Variants in CTBP2 observed in about 807,000 individuals in gnomAD.
The protein encoded by CTBP2 is C-terminal-binding protein 2.
Under a neutral mutation model 80.3 loss-of-function variants are expected in CTBP2, and 30 were observed. The ratio of observed to expected loss-of-function variants is 0.37; its 90% CI spans 0.28 to 0.51. CTBP2 has a LOEUF of 0.51. Ranked by LOEUF, CTBP2 falls within the 20% of genes least tolerant of loss-of-function variation. The probability of loss-of-function intolerance (pLI) is 0.93; values close to 1 mark genes in which losing one functional copy is unlikely to be tolerated. For missense variants in CTBP2, 1,212 were observed against 1,375.3 expected, an observed-to-expected ratio of 0.88 and a Z score of 1.88; for synonymous variants, 594 against 587.4, an observed-to-expected ratio of 1.01 and a Z score of -0.16.
At chr10:125,114,054 C>T (rs974369876) in intron 1 of CTBP2, among the ~76,000 whole-genome samples, 5 of 152,166 alleles carry the variant, frequency 3.3e-5, no homozygotes, top group Admixed American at 6.5e-5. Flanking sequence ...GACAGTGCGG[C>T]GTGGACTAGT....
At chr10:125,095,640 T>C (rs1564906342) in intron 2 of CTBP2, among the ~76,000 whole-genome samples, 1 of 152,122 alleles carries the variant, frequency 6.6e-6, no homozygotes, top group Admixed American at 6.5e-5. Flanking sequence ...TTCCCACCAA[T>C]ACACCCCACG....
At chr10:125,121,562 G>T (rs1405629989) in intron 1 of CTBP2, among the ~76,000 whole-genome samples, 7 of 152,080 alleles carry the variant, frequency 4.6e-5, no homozygotes, top group Non-Finnish European at 4.4e-5. Context: ...CCATTTCAAG[G>T]CTATGTATAT....
chr10:125,125,539 T>C (rs1564980222), intron 1 of CTBP2, among the ~76,000 whole-genome samples: 2 of 152,186 alleles, frequency 1.3e-5, no homozygotes, highest in African/African-American at 2.4e-5. Flanking sequence ...CTTAAGTCAA[T>C]TGAAGCTTGC....
chr10:125,013,581 T>TGG (rs1333808274), intron 1 of CTBP2, among the ~76,000 whole-genome samples: 1 of 152,170 alleles, frequency 6.6e-6, no homozygotes, highest in Non-Finnish European at 1.5e-5. Context: ...ATCATGACCA[T>TGG]GGAATACAGC....
intron 5 of CTBP2, 138 bp from the exon 8 acceptor site, chr10:124,994,123 G>A (rs1953117382): frequency 8.3e-7 from 1 of 1,208,366 alleles, no homozygotes; most frequent in Non-Finnish European, 1.2e-6. Context: ...TGAGGGAAGG[G>A]AGTGGGAAGT....
chr10:124,997,841 G>A, intron 4 of CTBP2, 123 bp downstream of exon 6: 1 of 983,924 alleles, frequency 1.0e-6, no homozygotes, highest in South Asian at 1.6e-5. Context: ...ACACGGGGAG[G>A]GTGCTGGCCC....
At position 124,985,534 on chromosome 10, in the gene CTBP2, C is replaced by T. The variant is rs945435390; in HGVS notation, c.*3984G>A. ...CTTTTATTTTATTAATAATTTCGTT[C>T]CTCTTGTGCCCAATCAAATCTTTTA... On this transcript the variant is annotated 3_prime_UTR_variant, in exon 9 of 9. Transcript: ENST00000309035. The T allele has an allele frequency of 6.6e-6, 1 of 152,646 alleles. No individual in the cohort carries two copies. Among genetic ancestry groups the T allele is most frequent in the African/African-American group, 2.4e-5 (1 of 41,444 alleles). 9.5% of individuals were successfully genotyped at this position (152,646 alleles called of 1,614,324 possible).
At chr10:125,041,543 C>T (rs1959811902) in intron 2 of CTBP2, among the ~76,000 whole-genome samples, 1 of 130,382 alleles carries the variant, frequency 7.7e-6, no homozygotes, top group African/African-American at 3.0e-5. Context: ...CTAGGTGAGG[C>T]TGACCAGGGA....
intron 2 of CTBP2, among the ~76,000 whole-genome samples, chr10:125,059,089 C>T (rs6597879): frequency 0.15 from 23,494 of 151,930 alleles, 2,381 homozygotes; most frequent in African/African-American, 0.27. Context: ...CTTCTGGAGA[C>T]GGCACTGTCA....
rs567521358 is a variant in CTBP2, at chr10:125,038,988, C to T, written c.58+9G>A. On this transcript the variant is annotated intron_variant, in intron 3 of 10. Coordinates refer to the CTBP2 transcript ENST00000337195. ...TATGTTTGGTAAAAACCGCCAAACA[C>T]GCTCTTACCTTCACAAATTCTGTCC... The T allele has an allele frequency of 7.4e-6, 12 of 1,613,074 alleles. No individual in the cohort carries two copies. The highest frequency in any genetic ancestry group is 1.7e-4 in the Middle Eastern group (1 of 5,994).
chr10:125,038,004 A>G (rs1959058703), intron 3 of CTBP2, among the ~76,000 whole-genome samples: 1 of 152,000 alleles, frequency 6.6e-6, no homozygotes, highest in African/African-American at 2.4e-5. Context: ...TGTTTACTTT[A>G]AAAAAACCCT....
intron 1 of CTBP2, among the ~76,000 whole-genome samples, chr10:125,012,468 A>T (rs1250401602): frequency 6.6e-6 from 1 of 152,108 alleles, no homozygotes; most frequent in East Asian, 1.9e-4. Context: ...GTTCTGGTGG[A>T]ATCTTCCAGG....
intron 2 of CTBP2, among the ~76,000 whole-genome samples, chr10:125,069,345 C>A (rs567521870): frequency 2.6e-5 from 4 of 152,318 alleles, no homozygotes; most frequent in South Asian, 4.1e-4. Flanking sequence ...TGGCCAAGTG[C>A]GGTGGCTCAC....
At chr10:125,033,217 T>C (rs1398371517) in intron 3 of CTBP2, among the ~76,000 whole-genome samples, 1 of 152,170 alleles carries the variant, frequency 6.6e-6, no homozygotes, top group Non-Finnish European at 1.5e-5. Context: ...GATCCCACTG[T>C]GCCCCAGCGC....
intron 1 of CTBP2, among the ~76,000 whole-genome samples, chr10:125,149,812 C>T (rs191470627): frequency 1.2e-4 from 18 of 152,350 alleles, no homozygotes; most frequent in African/African-American, 4.3e-4. Context: ...GGTACTCTTC[C>T]GGTGGAGCGG....
At chr10:125,058,402 T>C (rs531515963) in intron 2 of CTBP2, among the ~76,000 whole-genome samples, 1 of 152,246 alleles carries the variant, frequency 6.6e-6, no homozygotes. Flanking sequence ...CCTCTCCCCC[T>C]GAGTTTTGCC....
intron 2 of CTBP2, among the ~76,000 whole-genome samples, chr10:125,054,645 G>A (rs533259778): frequency 3.3e-5 from 5 of 152,352 alleles, no homozygotes; most frequent in African/African-American, 1.2e-4. Flanking sequence ...CACAGCAATA[G>A]ATAACTAATA....
At chr10:124,989,830 T>C (rs1952349325) in intron 8 of CTBP2, 132 bp from the exon 11 acceptor site, 2 of 842,396 alleles carry the variant, frequency 2.4e-6, no homozygotes, top group East Asian at 5.9e-5. Flanking sequence ...TGACCGACCT[T>C]CTGGGCTCAA....
rs55693528 is a variant in CTBP2 at position 125,094,945 on chromosome 10, C to T, written c.-102+16045G>A. Among the ~76,000 whole-genome samples the T allele has an allele frequency of 3.9e-3, 587 of 151,654 alleles. 4 individuals are homozygous for T. The highest frequency in any genetic ancestry group is 0.017 in the East Asian group (86 of 5,136). ...AAGTGCATCAAAAAAGCAGAACAGA[C>T]GACGAGCATGGGGGTGGGCTCCAGC... On this transcript the variant is annotated intron_variant, in intron 2 of 10. Coordinates refer to the CTBP2 transcript ENST00000337195.
Sources: gnomAD v4.1 joint callset for allele counts (sites outside exome capture counted in the v4.1 genomes callset) on GRCh38, gnomAD v4.1.1 for gene constraint, MANE v1.5 for transcripts, NCBI Gene and HGNC (gene_info 2026-07-23, HGNC 2026-07-21) for gene names.